The following VWA3B variants were observed in gnomAD, a reference collection of about 807,000 sequenced individuals.
VWA3B encodes the protein von Willebrand factor A domain containing 3B, also known as von Willebrand factor A domain-containing protein 3B.
Under a neutral mutation model 158.3 loss-of-function variants are expected in VWA3B, and 138 were observed. The observed-to-expected ratio is 0.87, with a 90% CI of 0.76 to 1.00. The LOEUF is 1.00. Among genes scored for constraint, VWA3B ranks in the 50% least tolerant of loss-of-function variants. The pLI is 0.00. For missense variants in VWA3B, 1,555 were observed against 1,565.1 expected (o/e 0.99, Z 0.11); for synonymous variants, 596 against 587.3 (o/e 1.01, Z -0.21).
At chr2:98,128,831 T>G (rs958058234) in intron 6 of VWA3B, among the ~76,000 whole-genome samples, 1 of 152,152 alleles carries the variant, frequency 6.6e-6, no homozygotes, top group Non-Finnish European at 1.5e-5. Context: ...ACCCCAGAGC[T>G]CAGGGAAATT....
the VWA3B span, among the ~76,000 whole-genome samples, chr2:98,318,310 G>T: frequency 2.0e-5 from 3 of 152,044 alleles, no homozygotes; most frequent in Admixed American, 6.6e-5. Flanking sequence ...GCAAAGACAT[G>T]GAATTAACCC....
At chr2:98,224,829 A>T (rs905614231) in intron 14 of VWA3B, among the ~76,000 whole-genome samples, 1 of 152,228 alleles carries the variant, frequency 6.6e-6, no homozygotes, top group Admixed American at 6.5e-5. Context: ...AGGTAGGTTC[A>T]ACTAAAAGGA....
At chr2:98,139,741 G>C (rs147019567) in intron 7 of VWA3B, among the ~76,000 whole-genome samples, 1 of 152,044 alleles carries the variant, frequency 6.6e-6, no homozygotes, top group Non-Finnish European at 1.5e-5. Context: ...ACCAATCAGC[G>C]CCCTGTCAAA....
At position 98,312,016 on chromosome 2, in the gene VWA3B, C is replaced by T. The variant is rs1324695847; in HGVS notation, c.3719C>T (p.Thr1240Ile). The T allele has an allele frequency of 3.1e-6, 5 of 1,599,318 alleles. No homozygotes were observed. The highest frequency in any genetic ancestry group is 1.1e-5 in the South Asian group (1 of 88,836). The part of the protein sequence containing the change: ...GISSHGSCQG[T>I]HPEPRTAHLH... ...AGCTCCCATGGGTCCTGCCAGGGGA[C>T]ACACCCCGAGCCCAGGGTTTGGGTG... is the stretch of plus-strand genomic sequence containing the variant. Residue 1240 changes from threonine (T) to isoleucine (I), a missense_variant, in exon 27 of 28, where the codon ACA becomes ATA. Physicochemically the swap from Thr to Ile is moderately conservative, Grantham distance 89. Transcript: ENST00000477737.
chr2:98,250,451 T>G lies in VWA3B; in HGVS notation c.2792+15T>G. The G allele has an allele frequency of 6.4e-7, 1 of 1,572,688 alleles. No homozygotes were observed. ...TCCTATGAAAAGTGAGTATTACTCTTGGCTGCTCTTTAATGGATGTGGAAT... is the reference window on the plus strand; with the variant it reads ...TCCTATGAAAAGTGAGTATTACTCTGGGCTGCTCTTTAATGGATGTGGAAT... On this transcript the variant is annotated intron_variant, in intron 20 of 27. Transcript: ENST00000477737.
downstream of VWA3B, chr2:98,313,347 G>C (rs1271761291): frequency 6.6e-6 from 1 of 152,130 alleles, no homozygotes. Context: ...CAGTGAGGAA[G>C]GAACTGAAGA....
In VWA3B at chr2:98,162,877, C is replaced by G; in HGVS notation, c.1015C>G (p.Leu339Val). 1 of 1,613,864 alleles carries G rather than the reference C, an allele frequency of 6.2e-7. No individual in the cohort carries two copies. Among genetic ancestry groups the G allele is most frequent in the Non-Finnish European group, 8.5e-7 (1 of 1,180,032 alleles). ...AGCTGGAGTCAGAGAGGACGTGTTT[C>G]TCGTTTGGCAAGAGATGGAGGAAGC... is the stretch of plus-strand genomic sequence containing the variant. ...PGAGVREDVF[L>V]VWQEMEEACS... Residue 339 changes from leucine to valine, a missense_variant, in exon 8 of 28, where the codon CTC (leucine) becomes GTC (valine). Leu to Val is a conservative substitution (Grantham distance 32). Transcript: ENST00000477737.
intron 6 of VWA3B, among the ~76,000 whole-genome samples, chr2:98,129,023 T>C (rs1675606284): frequency 6.6e-6 from 1 of 152,232 alleles, no homozygotes. Flanking sequence ...CAGCTTGGGC[T>C]GCCATAACAA....
chr2:98,182,570 T>C (rs896449105), intron 9 of VWA3B, among the ~76,000 whole-genome samples: 7 of 152,360 alleles, frequency 4.6e-5, no homozygotes, highest in African/African-American at 1.7e-4. Flanking sequence ...CACAGTTTTC[T>C]GGTTTTGTAG....
Position 98,212,002 on chromosome 2 carries a change from C to T in VWA3B, c.1810C>T (p.Leu604Phe), listed in dbSNP as rs761875910. Reference sequence around the variant, plus strand: ...TGATAAAGAAACACAGGCAATCTACCTTCTGACCGATGGGAGACCTGATCA... The same window carrying T: ...TGATAAAGAAACACAGGCAATCTACTTTCTGACCGATGGGAGACCTGATCA... Reference protein sequence around the residue: ...FADKETQAIYLLTDGRPDQPP... With the variant: ...FADKETQAIYFLTDGRPDQPP... The change falls in exon 13 of 28, where the codon CTT becomes TTT. Residue 604 changes from leucine (L) to phenylalanine (F), a missense_variant. Coordinates refer to ENST00000477737, the MANE Select transcript of VWA3B (RefSeq NM_144992.5). The T allele has an allele frequency of 1.2e-6, 2 of 1,614,130 alleles. No homozygotes were observed. The highest frequency in any genetic ancestry group is 1.1e-5 in the South Asian group (1 of 91,070).
the VWA3B span, among the ~76,000 whole-genome samples, chr2:98,325,162 A>G: frequency 1.3e-5 from 2 of 152,214 alleles, no homozygotes; most frequent in African/African-American, 4.8e-5. Context: ...TAAAGATGTA[A>G]ATTTATAGAT....
In VWA3B at chr2:98,248,797, TTCTC is replaced by T. The variant is rs1288565299; in HGVS notation, c.2674-1517_2674-1514del. On this transcript the variant is annotated intron_variant, in intron 19 of 27. Transcript: ENST00000477737. ...TAAAAACCTATCAGCGTGTGTCCCT[TTCTC>T]TCTGTCTCTCTTTCTCTTTCTTTTT... Among the ~76,000 whole-genome samples the T allele has an allele frequency of 2.0e-5, 3 of 152,156 alleles. No homozygotes were observed. In the South Asian group the frequency reaches 6.2e-4, roughly 32 times the overall value.
chr2:98,325,257 A>G, the VWA3B span, among the ~76,000 whole-genome samples: 12 of 152,206 alleles, frequency 7.9e-5, no homozygotes, highest in African/African-American at 2.7e-4. Context: ...CAAGGAGAAA[A>G]AAATCTTGAC....
chr2:98,119,394 A>T (rs1674779540), intron 3 of VWA3B, 119 bp from the exon 4 acceptor site: 4 of 1,113,528 alleles, frequency 3.6e-6, no homozygotes, highest in Admixed American at 5.3e-5. Flanking sequence ...TGGATTCTGT[A>T]GTGTTTGGAG....
At chr2:98,302,631 G>A (rs1158197918) in intron 25 of VWA3B, among the ~76,000 whole-genome samples, 1 of 152,182 alleles carries the variant, frequency 6.6e-6, no homozygotes, top group Non-Finnish European at 1.5e-5. Context: ...CCATGAGGTA[G>A]AGACTATTAT....
intron 19 of VWA3B, among the ~76,000 whole-genome samples, chr2:98,247,670 G>A (rs1171691802): frequency 6.6e-6 from 1 of 151,974 alleles, no homozygotes; most frequent in East Asian, 1.9e-4. Context: ...CCTTTATACA[G>A]TCTGTTTTGT....
chr2:98,092,072 A>G (rs1682331909), intron 1 of VWA3B, among the ~76,000 whole-genome samples: 1 of 152,224 alleles, frequency 6.6e-6, no homozygotes, highest in East Asian at 1.9e-4. Context: ...CTTAAGTCCA[A>G]TTGTAGAGCA....
intron 11 of VWA3B, among the ~76,000 whole-genome samples, chr2:98,193,648 T>G (rs1265166727): frequency 6.6e-6 from 1 of 150,450 alleles, no homozygotes; most frequent in Non-Finnish European, 1.5e-5. Flanking sequence ...CAGTCTGGAG[T>G]GCAGTGGTGC....
rs545553039 is a variant in VWA3B at position 98,312,782 on chromosome 2, G to A, written c.*433G>A. The A allele has an allele frequency of 2.0e-4, 33 of 161,686 alleles. 1 individual carries two copies. Among genetic ancestry groups the A allele is most frequent in the African/African-American group, 6.9e-4 (29 of 41,746 alleles). The allele number at this position is 161,686 out of a possible 1,614,324, so 10.0% of individuals were successfully genotyped here. On this transcript the variant is annotated 3_prime_UTR_variant, in exon 28 of 28. Transcript: ENST00000477737. ...AATATTAGGACTGAAATTCAGACTC[G>A]GTAACTTGTCTGAGATCTGCAAGAC...
Sources: allele counts gnomAD v4.1 joint callset (sites outside exome capture counted in the v4.1 genomes callset), GRCh38; gene constraint gnomAD v4.1.1; transcripts MANE v1.5; gene names NCBI Gene and HGNC (gene_info 2026-07-23, HGNC 2026-07-21).